Variants in DAP3 observed in about 807,000 individuals in gnomAD.
DAP3 encodes small ribosomal subunit protein mS29.
Under a neutral mutation model 51.9 loss-of-function variants are expected in DAP3, and 28 were observed. The observed-to-expected ratio is 0.54, with a 90% CI of 0.40 to 0.74. DAP3 has a LOEUF of 0.74. DAP3 is among the 30% of genes least tolerant of loss of function. The probability of loss-of-function intolerance (pLI) is 0.00; values close to 1 mark genes in which losing one functional copy is unlikely to be tolerated. For synonymous variants in DAP3, 170 were observed against 170.3 expected (o/e 1.00, Z 0.01); for missense variants, 458 against 483.5 (o/e 0.95, Z 0.49).
intron 1 of DAP3, among the ~76,000 whole-genome samples, chr1:155,697,003 C>T (rs1402269944): frequency 6.6e-6 from 1 of 152,218 alleles, no homozygotes. Context: ...GGTCAGCATG[C>T]ACCATCTACC....
chr1:155,703,115 C>G (rs981990154), intron 1 of DAP3, among the ~76,000 whole-genome samples: 2 of 152,184 alleles, frequency 1.3e-5, no homozygotes, highest in African/African-American at 4.8e-5. Flanking sequence ...TTCAAGAATA[C>G]TTGGGCTATT....
chr1:155,688,985 G>T (rs1195122940), upstream of DAP3: 4 of 1,606,184 alleles, frequency 2.5e-6, no homozygotes. Context: ...ATGGGACCGC[G>T]GCGAGGGGAT....
chr1:155,737,219 C>T (rs767320324), intron 12 of DAP3, among the ~76,000 whole-genome samples, 156 bp downstream of exon 12: 3 of 152,070 alleles, frequency 2.0e-5, no homozygotes, highest in African/African-American at 7.2e-5. Context: ...TACAGAAAAG[C>T]GGGTGGGAGG....
At chr1:155,688,992 G>C, upstream of DAP3, 1 of 1,603,574 alleles carries the variant, frequency 6.2e-7, no homozygotes, top group Middle Eastern at 1.7e-4. Flanking sequence ...CGCGGCGAGG[G>C]GATCGAGGGC....
intron 4 of DAP3, among the ~76,000 whole-genome samples, chr1:155,723,213 G>T (rs1658193002): frequency 6.6e-6 from 1 of 152,092 alleles, no homozygotes; most frequent in Non-Finnish European, 1.5e-5. Flanking sequence ...GAGTACAGTG[G>T]CGTGACCACA....
At chr1:155,736,752 G>T in intron 11 of DAP3, 194 bp from the exon 12 acceptor site, 1 of 587,516 alleles carries the variant, frequency 1.7e-6, no homozygotes. Flanking sequence ...TGGCCACGTA[G>T]AGCACGAGTA....
chr1:155,731,405 A>G lies in DAP3; in HGVS notation c.893A>G (p.Lys298Arg). Residue 298 changes from lysine to arginine, a missense_variant, in exon 10 of 13, where the codon AAA (lysine) becomes AGA (arginine). Lys to Arg is a conservative substitution (Grantham distance 26). Transcript: ENST00000368336. ...ALVHNLRKMMKNDWHGGAIVS... is the reference protein window; with the variant it reads ...ALVHNLRKMMRNDWHGGAIVS... The stretch of plus-strand genomic sequence containing the variant: ...GTTCACAACTTGAGGAAAATGATGA[A>G]AAATGATTGGGTAAGTGCATATGAT... 1 of 1,614,132 alleles carries G rather than the reference A, an allele frequency of 6.2e-7. No individual in the cohort carries two copies. Among genetic ancestry groups the G allele is most frequent in the Non-Finnish European group, 8.5e-7 (1 of 1,179,982 alleles).
intron 11 of DAP3, among the ~76,000 whole-genome samples, chr1:155,733,023 C>G (rs1659403928): frequency 1.3e-5 from 2 of 151,656 alleles, no homozygotes; most frequent in African/African-American, 4.8e-5. Flanking sequence ...GACTCCGTCT[C>G]AAAAAAAAGA....
At chr1:155,697,588 G>A (rs1654702038) in intron 1 of DAP3, among the ~76,000 whole-genome samples, 1 of 152,090 alleles carries the variant, frequency 6.6e-6, no homozygotes, top group South Asian at 2.1e-4. Flanking sequence ...TGTACGAATA[G>A]GGAGTGGGTC....
chr1:155,687,970 A>C, upstream of DAP3: 1 of 1,313,602 alleles, frequency 7.6e-7, no homozygotes, highest in Non-Finnish European at 1.0e-6. Flanking sequence ...GCTCTCCCAG[A>C]GGTCCAGGTC....
chr1:155,692,870 G>T (rs1654026935), intron 1 of DAP3, among the ~76,000 whole-genome samples: 1 of 141,772 alleles, frequency 7.1e-6, no homozygotes, highest in South Asian at 2.1e-4. Flanking sequence ...GCCAATTGTT[G>T]GTCTATCCGG....
intron 2 of DAP3, among the ~76,000 whole-genome samples, chr1:155,713,036 G>C (rs1206808493): frequency 6.6e-6 from 1 of 152,142 alleles, no homozygotes; most frequent in Non-Finnish European, 1.5e-5. Context: ...GTTTTGCTTT[G>C]TTTTTGCTGT....
At chr1:155,711,231 G>T (rs974088645) in intron 2 of DAP3, among the ~76,000 whole-genome samples, 13 of 152,208 alleles carry the variant, frequency 8.5e-5, no homozygotes, top group Admixed American at 6.5e-4. Context: ...AGTAGCTCAT[G>T]CCTGTAATCC....
At chr1:155,702,838 T>A (rs1655481953) in intron 1 of DAP3, among the ~76,000 whole-genome samples, 1 of 151,874 alleles carries the variant, frequency 6.6e-6, no homozygotes, top group South Asian at 2.1e-4. Flanking sequence ...GGCGTGGTGG[T>A]GGGCACCTGT....
At chr1:155,696,989 A>G (rs935630329) in intron 1 of DAP3, among the ~76,000 whole-genome samples, 18 of 152,222 alleles carry the variant, frequency 1.2e-4, no homozygotes, top group Non-Finnish European at 2.5e-4. Context: ...ACCTCTTGCA[A>G]GTCGGTCAGC....
intron 2 of DAP3, among the ~76,000 whole-genome samples, chr1:155,711,649 A>C (rs1162602498): frequency 6.6e-6 from 1 of 151,536 alleles, no homozygotes; most frequent in African/African-American, 2.4e-5. Flanking sequence ...CAGGGACAGC[A>C]CTAATAGGAT....
chr1:155,715,720 A>G (rs534637295), intron 2 of DAP3, among the ~76,000 whole-genome samples: 1 of 152,262 alleles, frequency 6.6e-6, no homozygotes, highest in Admixed American at 6.5e-5. Context: ...AAGGTTTGTT[A>G]TCCTTAAGCT....
chr1:155,727,771 A>T, intron 7 of DAP3, 33 bp downstream of exon 7: 1 of 1,606,700 alleles, frequency 6.2e-7, no homozygotes. Flanking sequence ...AGTGCTAGGT[A>T]GTCCTTACAT....
chr1:155,700,814 C>A (rs1171251323), intron 1 of DAP3, among the ~76,000 whole-genome samples: 17 of 117,510 alleles, frequency 1.4e-4, no homozygotes, highest in Admixed American at 5.6e-4. Context: ...CCGGCCGCCC[C>A]TACTGGGAAG....
Sources: gnomAD v4.1 joint callset for allele counts (sites outside exome capture counted in the v4.1 genomes callset) on GRCh38, gnomAD v4.1.1 for gene constraint, MANE v1.5 for transcripts, NCBI Gene and HGNC (gene_info 2026-07-23, HGNC 2026-07-21) for gene names.